Variants in FTO observed in about 807,000 individuals in gnomAD.
The protein encoded by FTO is alpha-ketoglutarate-dependent dioxygenase FTO.
In FTO, 47 loss-of-function variants were observed where a neutral mutation model predicts 63.9. That is an observed-to-expected ratio of 0.74 (90% CI 0.58 to 0.94). The LOEUF (loss-of-function observed/expected upper bound fraction) is 0.94, where lower values mean the gene tolerates loss of function less well. Ranked by LOEUF, FTO falls within the 40% of genes least tolerant of loss-of-function variation. The pLI is 0.00. For synonymous variants in FTO, 207 were observed against 224.4 expected (o/e 0.92, Z 0.69); for missense variants, 562 against 618.1 (o/e 0.91, Z 0.96).
intron 8 of FTO, chr16:53,998,807 C>G (rs1268159116): frequency 1.3e-5 from 2 of 152,212 alleles, no homozygotes; most frequent in African/African-American, 4.8e-5. Flanking sequence ...AGGAGCCCCA[C>G]CCTCTTACTA....
chr16:54,111,378 T>C (rs1449037704), intron 8 of FTO, among the ~76,000 whole-genome samples: 1 of 152,194 alleles, frequency 6.6e-6, no homozygotes, highest in African/African-American at 2.4e-5. Context: ...CCCAGTAATC[T>C]AGTAATACAT....
intron 2 of FTO, among the ~76,000 whole-genome samples, chr16:53,812,599 G>A (rs1309601099): frequency 1.3e-5 from 2 of 152,110 alleles, no homozygotes; most frequent in African/African-American, 4.8e-5. Context: ...TACCTATCAG[G>A]TGCTGAATGA....
chr16:53,891,245 G>C (rs1461545830), intron 7 of FTO, among the ~76,000 whole-genome samples: 1 of 151,874 alleles, frequency 6.6e-6, no homozygotes, highest in East Asian at 1.9e-4. Flanking sequence ...ACCTGCCTCA[G>C]CCTCCCAGAG....
At chr16:53,857,700 C>G (rs751185350) in intron 4 of FTO, among the ~76,000 whole-genome samples, 20 of 152,148 alleles carry the variant, frequency 1.3e-4, no homozygotes, top group Admixed American at 5.2e-4. Flanking sequence ...CTGTGCTGCT[C>G]AGGCTTCAGG....
At chr16:53,753,339 G>A (rs904389880) in intron 1 of FTO, among the ~76,000 whole-genome samples, 8 of 149,946 alleles carry the variant, frequency 5.3e-5, no homozygotes, top group Middle Eastern at 3.2e-3. Flanking sequence ...ATTTGATCCA[G>A]CCCAATAAAC....
chr16:53,951,002 T>G (rs1467833436), intron 8 of FTO, among the ~76,000 whole-genome samples: 1 of 152,232 alleles, frequency 6.6e-6, no homozygotes, highest in African/African-American at 2.4e-5. Context: ...ACGAAGCTAA[T>G]GATGCTAGTG....
At chr16:53,933,295 T>C (rs2082321756) in intron 7 of FTO, among the ~76,000 whole-genome samples, 1 of 152,216 alleles carries the variant, frequency 6.6e-6, no homozygotes, top group African/African-American at 2.4e-5. Context: ...TCATTCCTTT[T>C]AGCAATTGCT....
intron 8 of FTO, among the ~76,000 whole-genome samples, chr16:54,024,720 T>C: frequency 6.6e-6 from 1 of 152,214 alleles, no homozygotes; most frequent in East Asian, 1.9e-4. Flanking sequence ...TCATAGGTTA[T>C]TATAGGTATT....
At chr16:53,885,829 G>T (rs753132507) in intron 6 of FTO, among the ~76,000 whole-genome samples, 3 of 152,134 alleles carry the variant, frequency 2.0e-5, no homozygotes, top group Non-Finnish European at 4.4e-5. Context: ...GCTCACTGCA[G>T]CCTGGACCTC....
intron 8 of FTO, among the ~76,000 whole-genome samples, chr16:54,031,859 T>A (rs1351490324): frequency 3.3e-5 from 5 of 152,204 alleles, no homozygotes; most frequent in South Asian, 2.1e-4. Flanking sequence ...CTAATTTTTT[T>A]AAGGTGGTTT....
chr16:53,993,112 CGTT>C (rs1227473506), intron 8 of FTO: 17 of 152,238 alleles, frequency 1.1e-4, no homozygotes, highest in African/African-American at 3.9e-4. Context: ...GTTTTTATGA[CGTT>C]GTAATCATTT....
chr16:53,771,371 A>G (rs1433383383), intron 1 of FTO, among the ~76,000 whole-genome samples: 1 of 152,092 alleles, frequency 6.6e-6, no homozygotes, highest in Non-Finnish European at 1.5e-5. Flanking sequence ...ATATATTCAG[A>G]ATCCAACCAC....
chr16:53,783,996 C>T (rs1420142716), intron 1 of FTO, among the ~76,000 whole-genome samples: 2 of 152,124 alleles, frequency 1.3e-5, no homozygotes, highest in Non-Finnish European at 2.9e-5. Context: ...AGATTCTAAA[C>T]CAGGGCTGAG....
At chr16:54,018,973 C>T (rs10153154) in intron 8 of FTO, among the ~76,000 whole-genome samples, 28,892 of 152,020 alleles carry the variant, frequency 0.19, 3,493 homozygotes, top group African/African-American at 0.34. Context: ...GGAAATAGGA[C>T]AGCTGTAGGT....
chr16:53,915,451 C>T (rs1210031424), intron 7 of FTO, among the ~76,000 whole-genome samples: 1 of 152,092 alleles, frequency 6.6e-6, no homozygotes, highest in Non-Finnish European at 1.5e-5. Context: ...TCCATAGGTG[C>T]ACATGTATTG....
intron 8 of FTO, among the ~76,000 whole-genome samples, chr16:53,962,123 C>A (rs994491189): frequency 8.5e-5 from 13 of 152,196 alleles, no homozygotes; most frequent in African/African-American, 3.1e-4. Flanking sequence ...AAACCATATT[C>A]AGAGTTTAGT....
chr16:54,057,853 A>G (rs1296828838), intron 8 of FTO, among the ~76,000 whole-genome samples: 1 of 152,150 alleles, frequency 6.6e-6, no homozygotes, highest in African/African-American at 2.4e-5. Flanking sequence ...GAATACTTCT[A>G]AGGAGCACCA....
At chr16:54,109,922 C>T (rs1369134756) in intron 8 of FTO, among the ~76,000 whole-genome samples, 1 of 152,114 alleles carries the variant, frequency 6.6e-6, no homozygotes, top group Non-Finnish European at 1.5e-5. Context: ...ACAATTTATC[C>T]ACTGTGAGAT....
In FTO at chr16:53,812,624, A is replaced by C. The variant is rs554989400; in HGVS notation, c.123+2407A>C. Among the ~76,000 whole-genome samples the C allele has an allele frequency of 5.9e-5, 9 of 152,288 alleles. No individual in the cohort carries two copies. The South Asian group carries it at 1.9e-3, about 32-fold the overall frequency. On this transcript the variant is annotated intron_variant, in intron 2 of 8. Coordinates refer to ENST00000471389, the MANE Select transcript of FTO (RefSeq NM_001080432.3). ...GTGCTGAATGAGTTTGCTTCAATGC[A>C]TGCACCCAATAGTTAATTTGGAAAA...
Sources: gnomAD v4.1 joint callset for allele counts (sites outside exome capture counted in the v4.1 genomes callset) on GRCh38, gnomAD v4.1.1 for gene constraint, MANE v1.5 for transcripts, NCBI Gene and HGNC (gene_info 2026-07-23, HGNC 2026-07-21) for gene names.